Variants in URB1 observed in about 807,000 individuals in gnomAD.
URB1 encodes nucleolar pre-ribosomal-associated protein 1.
URB1 carries 197 observed loss-of-function variants against 242.3 expected under a neutral mutation model. The observed-to-expected ratio is 0.81, with a 90% confidence interval of 0.72 to 0.91. URB1 has a LOEUF of 0.91. Ranked by LOEUF, URB1 falls within the 40% of genes least tolerant of loss-of-function variation. URB1 has a pLI of 0.00. For missense variants in URB1, 2,721 were observed against 2,860.5 expected, an observed-to-expected ratio of 0.95 and a Z score of 1.11; for synonymous variants, 1,153 against 1,201.8, an observed-to-expected ratio of 0.96 and a Z score of 0.84.
intron 20 of URB1, among the ~76,000 whole-genome samples, chr21:32,350,452 A>G (rs1343533276): frequency 6.6e-6 from 1 of 152,178 alleles, no homozygotes; most frequent in Non-Finnish European, 1.5e-5. Context: ...CTGCCAACCC[A>G]TTCTACTGTA....
In URB1 at chr21:32,345,440, G is replaced by A; in HGVS notation, c.4004C>T (p.Ala1335Val). Residue 1335 changes from alanine (A) to valine (V), a missense_variant, in exon 23 of 39, where the codon GCC becomes GTC. Coordinates refer to ENST00000382751, the MANE Select transcript of URB1 (RefSeq NM_014825.3). ...GTCCATGAGTACACTGAGATCCTTGGCTCGTGCAAACGGGACCAGCTGTGC... is the reference window on the plus strand; with the variant it reads ...GTCCATGAGTACACTGAGATCCTTGACTCGTGCAAACGGGACCAGCTGTGC... ...ILAQLVPFAR[A>V]KDLSVLMDRL... is the part of the protein sequence containing the mutation. 3 of 1,551,538 alleles carry A rather than the reference G, an allele frequency of 1.9e-6. No homozygotes were observed. Among genetic ancestry groups the A allele is most frequent in the Non-Finnish European group, 2.6e-6 (3 of 1,146,978 alleles).
chr21:32,320,404 A>T, intron 35 of URB1, 127 bp downstream of exon 35: 1 of 709,356 alleles, frequency 1.4e-6, no homozygotes, highest in Non-Finnish European at 2.3e-6. Context: ...ATTGGAGGAC[A>T]CTGCATTTCA....
At chr21:32,346,865 A>C (rs1340677116) in intron 22 of URB1, 91 bp downstream of exon 22, 1 of 1,433,898 alleles carries the variant, frequency 7.0e-7, no homozygotes, top group Non-Finnish European at 9.2e-7. Flanking sequence ...CCAGAACCTG[A>C]ATTTCTAGGG....
chr21:32,342,662 C>CA (rs567009243), intron 24 of URB1, among the ~76,000 whole-genome samples: 147,558 of 147,560 alleles, frequency 1, 73,778 homozygotes, highest in Middle Eastern at 1. Flanking sequence ...GCACTAGTGC[C>CA]AACTTGTGAA....
intron 19 of URB1, 64 bp downstream of exon 19, chr21:32,352,646 C>G: frequency 6.5e-7 from 1 of 1,540,444 alleles, no homozygotes; most frequent in Non-Finnish European, 8.8e-7. Flanking sequence ...TGTGGCCCAG[C>G]CAGCTGGGAC....
chr21:32,329,773 T>C (rs1009446969), intron 30 of URB1, among the ~76,000 whole-genome samples: 72 of 152,124 alleles, frequency 4.7e-4, no homozygotes, highest in African/African-American at 1.7e-3. Context: ...AGTTTAGCAA[T>C]ATCTGGACCC....
At chr21:32,319,128 G>T in intron 36 of URB1, 89 bp downstream of exon 36, 1 of 1,347,034 alleles carries the variant, frequency 7.4e-7, no homozygotes, top group Non-Finnish European at 1.0e-6. Flanking sequence ...CTGGTACAGA[G>T]TCATGACTGA....
chr21:32,361,544 C>T (rs1328614286), intron 12 of URB1, among the ~76,000 whole-genome samples: 1 of 152,112 alleles, frequency 6.6e-6, no homozygotes, highest in Non-Finnish European at 1.5e-5. Context: ...AACCTCAATG[C>T]CTGACCAACA....
chr21:32,340,007 TAAGGA>T (rs1164396538), intron 25 of URB1, among the ~76,000 whole-genome samples: 1 of 152,108 alleles, frequency 6.6e-6, no homozygotes, highest in East Asian at 1.9e-4. Flanking sequence ...CAAAACCCAC[TAAGGA>T]AAGGAAAGCA....
rs772732292 is a variant in URB1 at position 32,354,923 on chromosome 21, C to T, written c.2181G>A (p.Met727Ile). The T allele has an allele frequency of 1.4e-4, 215 of 1,552,244 alleles. No individual in the cohort carries two copies. Among genetic ancestry groups the T allele is most frequent in the Non-Finnish European group, 1.8e-4 (210 of 1,147,162 alleles). Residue 727 changes from methionine (M) to isoleucine (I), a missense_variant, in exon 17 of 39, where the codon ATG becomes ATA. Transcript: ENST00000382751. ...KASDFVQEAS[M>I]LQATMTKQEA... ...CTTGCTTCGTCATAGTGGCCTGCAG[C>T]ATGCTTGCTTCTTGGACAAAGTCAG...
chr21:32,375,508 T>C lies in URB1; in HGVS notation c.665-25A>G, dbSNP rs567411739. 2.2e-4 allele frequency: 295 copies of C among 1,363,580 alleles called. No homozygotes were observed. In the African/African-American group the frequency reaches 3.4e-3, roughly 16 times the overall value. 84.5% of individuals were successfully genotyped at this position (1,363,580 alleles called of 1,614,324 possible). On this transcript the variant is annotated intron_variant, in intron 5 of 38. Transcript: ENST00000382751. Reference sequence around the variant, plus strand: ...TCTGAAAGTAAAAGTTTCAAAGCATTAAATTCAAAAATATTTTGAAAATGA... The same window carrying C: ...TCTGAAAGTAAAAGTTTCAAAGCATCAAATTCAAAAATATTTTGAAAATGA...
Position 32,352,712 on chromosome 21 carries a change from AGGCCTCTCG to A in URB1, c.2602_2610del (p.Arg868_Ala870del), listed in dbSNP as rs2033171304. ...CCACAGCTGTGGCTGCAGCTCACCCAGGCCTCTCGGGCTTGCTCCGGGATCCAGAGGCTG... is the reference window on the plus strand; with the variant it reads ...CCACAGCTGTGGCTGCAGCTCACCCAGGCTTGCTCCGGGATCCAGAGGCTG... On this transcript the variant is annotated inframe_deletion, in exon 19 of 39. Coordinates refer to ENST00000382751, the MANE Select transcript of URB1 (RefSeq NM_014825.3). 2.6e-6 allele frequency: 4 copies of A among 1,550,970 alleles called. No homozygotes were observed. The South Asian group carries it at 3.6e-5, about 14-fold the overall frequency.
intron 5 of URB1, 22 bp downstream of exon 5, chr21:32,378,419 CCTAA>C: frequency 1.3e-6 from 2 of 1,542,278 alleles, no homozygotes; most frequent in East Asian, 2.4e-5. Flanking sequence ...AATGGGCTTT[CCTAA>C]CGGACAAGGG....
Position 32,352,747 on chromosome 21 carries a change from T to C in URB1, c.2576A>G (p.Tyr859Cys), listed in dbSNP as rs1232035228. ...GGCTTGCTCCGGGATCCAGAGGCTG[T>C]AGTATCTGTTAAACCGTGAGAGCTG... ...CQQLSRFNRY[Y>C]SLWIPEQARE... Residue 859 changes from tyrosine to cysteine, a missense_variant, in exon 19 of 39, where the codon TAC becomes TGC. Transcript: ENST00000382751. 6 of 1,551,636 alleles carry C rather than the reference T, an allele frequency of 3.9e-6. No individual in the cohort carries two copies. The highest frequency in any genetic ancestry group is 5.2e-6 in the Non-Finnish European group (6 of 1,146,972).
At chr21:32,353,886 A>C (rs1250921249) in intron 18 of URB1, 47 bp downstream of exon 18, 75 of 1,537,764 alleles carry the variant, frequency 4.9e-5, no homozygotes, top group Non-Finnish European at 6.4e-5. Flanking sequence ...CCCTGCACAG[A>C]CTAGCCGGCC....
intron 36 of URB1, among the ~76,000 whole-genome samples, chr21:32,318,792 G>A (rs767526589): frequency 9.2e-5 from 14 of 152,180 alleles, no homozygotes; most frequent in Admixed American, 5.9e-4. Context: ...ATGAGTCTTC[G>A]CAGGCTAATG....
At chr21:32,362,844 A>T (rs1238259388) in intron 11 of URB1, among the ~76,000 whole-genome samples, 6 of 152,272 alleles carry the variant, frequency 3.9e-5, no homozygotes, top group Non-Finnish European at 8.8e-5. Flanking sequence ...CCTCGACAAC[A>T]TCACCACGGC....
chr21:32,355,621 T>C, intron 15 of URB1, 56 bp from the exon 16 acceptor site: 1 of 1,411,092 alleles, frequency 7.1e-7, no homozygotes, highest in Non-Finnish European at 9.8e-7. Context: ...TTTCTTTCTT[T>C]TCTTTGAGAC....
chr21:32,347,648 C>T lies in URB1; in HGVS notation c.3176G>A (p.Ser1059Asn), dbSNP rs917704756. ...SAGVLQLLAA[S>N]APILQNIGQL... ...CCCAATGTTCTGGAGGATCGGGGCA[C>T]TTGCTGCCAGCAGCTGAAGGACCCC... Residue 1059 changes from serine (S) to asparagine (N), a missense_variant, in exon 22 of 39, where the codon AGT becomes AAT. Coordinates refer to ENST00000382751, the MANE Select transcript of URB1 (RefSeq NM_014825.3). 11 of 1,551,546 alleles carry T rather than the reference C, an allele frequency of 7.1e-6. No individual in the cohort carries two copies. The highest frequency in any genetic ancestry group is 1.4e-5 in the African/African-American group (1 of 73,060).
Sources: gnomAD v4.1 joint callset for allele counts (sites outside exome capture counted in the v4.1 genomes callset) on GRCh38, gnomAD v4.1.1 for gene constraint, MANE v1.5 for transcripts, NCBI Gene and HGNC (gene_info 2026-07-23, HGNC 2026-07-21) for gene names.